The following ADIPOR2 variants were observed in gnomAD, a reference collection of about 807,000 sequenced individuals.
ADIPOR2 encodes the protein adiponectin receptor 2, also known as adiponectin receptor protein 2.
A neutral mutation model predicts 40.9 loss-of-function variants in ADIPOR2; 18 were observed. The observed-to-expected ratio is 0.44, with a 90% CI of 0.30 to 0.65. The LOEUF (loss-of-function observed/expected upper bound fraction) is 0.65, where lower values mean the gene tolerates loss of function less well. Among genes scored for constraint, ADIPOR2 ranks in the 30% least tolerant of loss-of-function variants. ADIPOR2 has a pLI of 0.09. For synonymous variants in ADIPOR2, 165 were observed against 166.4 expected, an observed-to-expected ratio of 0.99 and a Z score of 0.06; for missense variants, 283 against 479.2, an observed-to-expected ratio of 0.59 and a Z score of 3.82.
At position 1,783,999 on chromosome 12, in the gene ADIPOR2, C is replaced by T. The variant is rs1212483835; in HGVS notation, c.958C>T (p.Leu320Phe). The change falls in exon 7 of 8, where the codon CTC becomes TTC. Residue 320 changes from leucine to phenylalanine, a missense_variant. Transcript: ENST00000357103. ...AGGCTGGTTGATGCTGATGGCCAGC[C>T]TCTACATCACAGGAGCTGCCCTGTA... is the stretch of plus-strand genomic sequence containing the variant. ...QIGWLMLMAS[L>F]YITGAALYAA... is the part of the protein sequence containing the mutation. 1.9e-6 allele frequency: 3 copies of T among 1,613,880 alleles called. No individual in the cohort carries two copies. The highest frequency in any genetic ancestry group is 1.7e-5 in the Admixed American group (1 of 59,992).
At chr12:1,705,284 C>T (rs2094659827) in intron 1 of ADIPOR2, among the ~76,000 whole-genome samples, 1 of 152,122 alleles carries the variant, frequency 6.6e-6, no homozygotes, top group African/African-American at 2.4e-5. Context: ...TATATTTTGG[C>T]ACAAAATATA....
chr12:1,707,249 G>A (rs1020463019), intron 1 of ADIPOR2, among the ~76,000 whole-genome samples: 3 of 152,094 alleles, frequency 2.0e-5, no homozygotes, highest in Non-Finnish European at 4.4e-5. Context: ...TCTTTTTGTG[G>A]ACTTAAGTTT....
intron 2 of ADIPOR2, among the ~76,000 whole-genome samples, chr12:1,758,449 A>G (rs1430426763): frequency 1.3e-5 from 2 of 152,206 alleles, no homozygotes; most frequent in African/African-American, 4.8e-5. Context: ...GCCTTCCTCA[A>G]TTTACCAGTG....
At chr12:1,723,220 G>A (rs2154442220) in intron 1 of ADIPOR2, among the ~76,000 whole-genome samples, 1 of 152,216 alleles carries the variant, frequency 6.6e-6, no homozygotes, top group East Asian at 1.9e-4. Context: ...AATCGAACAT[G>A]GATCATGTTT....
chr12:1,738,176 C>T (rs544459574), intron 1 of ADIPOR2, among the ~76,000 whole-genome samples: 26 of 141,672 alleles, frequency 1.8e-4, no homozygotes, highest in Non-Finnish European at 3.6e-4. Flanking sequence ...AGTTTGAGAC[C>T]GGCCTGGGCA....
chr12:1,751,100 A>G (rs187009981), intron 1 of ADIPOR2, among the ~76,000 whole-genome samples: 1 of 152,148 alleles, frequency 6.6e-6, no homozygotes, highest in Admixed American at 6.5e-5. Flanking sequence ...AGAGTAAAAC[A>G]TATAGTAAAT....
chr12:1,760,702 G>A (rs907331717), intron 2 of ADIPOR2: 1 of 152,150 alleles, frequency 6.6e-6, no homozygotes, highest in Non-Finnish European at 1.5e-5. Context: ...TGGATATACA[G>A]GGGTTCTTTC....
intron 2 of ADIPOR2, chr12:1,757,433 G>A: frequency 1.4e-6 from 1 of 729,664 alleles, no homozygotes; most frequent in Non-Finnish European, 2.5e-6. Flanking sequence ...GCCTCTCTCT[G>A]TTGGTTATCA....
intron 1 of ADIPOR2, among the ~76,000 whole-genome samples, chr12:1,701,993 G>A (rs1465320734): frequency 1.3e-5 from 2 of 152,050 alleles, no homozygotes; most frequent in African/African-American, 4.8e-5. Context: ...GGGGTGGCGC[G>A]TGCCTGTAAT....
At chr12:1,771,628 G>T (rs192951200) in intron 2 of ADIPOR2, among the ~76,000 whole-genome samples, 1 of 152,252 alleles carries the variant, frequency 6.6e-6, no homozygotes, top group Admixed American at 6.5e-5. Context: ...CTCACATGCC[G>T]CATCATAGCC....
chr12:1,712,273 C>T (rs952398905), intron 1 of ADIPOR2, among the ~76,000 whole-genome samples: 12 of 152,084 alleles, frequency 7.9e-5, no homozygotes, highest in South Asian at 4.1e-4. Flanking sequence ...GGTTGAGAGC[C>T]GCACAGATGC....
intron 1 of ADIPOR2, among the ~76,000 whole-genome samples, chr12:1,713,921 G>A (rs1429953268): frequency 2.6e-5 from 4 of 152,070 alleles, no homozygotes; most frequent in Non-Finnish European, 4.4e-5. Context: ...TGTCCAGGAG[G>A]AAGTCAATTT....
At chr12:1,782,383 T>C (rs975912153) in intron 6 of ADIPOR2, among the ~76,000 whole-genome samples, 4 of 152,226 alleles carry the variant, frequency 2.6e-5, no homozygotes, top group Admixed American at 2.6e-4. Flanking sequence ...AAATGACAGC[T>C]TGTTTTGCAA....
In ADIPOR2 at chr12:1,754,639, T is replaced by G. The variant is rs1281384665; in HGVS notation, c.171+125T>G. The G allele has an allele frequency of 4.5e-6, 4 of 897,596 alleles. No homozygotes were observed. In the African/African-American group the frequency reaches 5.2e-5, roughly 12 times the overall value. 55.6% of individuals were successfully genotyped at this position (897,596 alleles called of 1,614,324 possible). On this transcript the variant is annotated intron_variant, in intron 2 of 7. Transcript: ENST00000357103. ...GAGGATGGGGTGGTAAGAAGGAAAC[T>G]TGCACATTTGTATTTTTTTCTTCTG... is the stretch of plus-strand genomic sequence containing the variant.
intron 7 of ADIPOR2, 85 bp from the exon 8 acceptor site, chr12:1,785,859 C>T (rs759281926): frequency 6.7e-4 from 1,025 of 1,531,526 alleles, no homozygotes; most frequent in Non-Finnish European, 8.4e-4. Context: ...CAGCATAAAC[C>T]AGGATTAAAC....
chr12:1,739,039 TAAA>T (rs1367143981), intron 1 of ADIPOR2, among the ~76,000 whole-genome samples: 2 of 152,180 alleles, frequency 1.3e-5, no homozygotes, highest in Admixed American at 1.3e-4. Flanking sequence ...AAAATAACTT[TAAA>T]AAAACTTCAA....
chr12:1,749,626 CT>C (rs887787896), intron 1 of ADIPOR2, among the ~76,000 whole-genome samples: 15 of 152,228 alleles, frequency 9.9e-5, no homozygotes, highest in African/African-American at 3.6e-4. Flanking sequence ...TGTAGTTGGC[CT>C]TCAGTGAGGT....
rs779364818 is a variant in ADIPOR2, at chr12:1,788,004, T to G, written c.*1932T>G. 1 of 152,664 alleles carries G rather than the reference T, an allele frequency of 6.6e-6. No homozygotes were observed. Among genetic ancestry groups the G allele is most frequent in the Non-Finnish European group, 1.5e-5 (1 of 68,054 alleles). 9.5% of individuals were successfully genotyped at this position (152,664 alleles called of 1,614,324 possible). On this transcript the variant is annotated 3_prime_UTR_variant, in exon 8 of 8. Coordinates refer to ENST00000357103, the MANE Select transcript of ADIPOR2 (RefSeq NM_024551.3). ...GAGAAAGCATAGTCCAGCAGGACAG[T>G]GGCCATTTGGACAGAAGCCCACTTA...
chr12:1,705,708 G>T (rs2094660813), intron 1 of ADIPOR2, among the ~76,000 whole-genome samples: 1 of 152,144 alleles, frequency 6.6e-6, no homozygotes, highest in Admixed American at 6.5e-5. Flanking sequence ...GGGAAATGAG[G>T]ATAACCGTTG....
Sources: allele counts gnomAD v4.1 joint callset (sites outside exome capture counted in the v4.1 genomes callset), GRCh38; gene constraint gnomAD v4.1.1; transcripts MANE v1.5; gene names NCBI Gene and HGNC (gene_info 2026-07-23, HGNC 2026-07-21).